NVL: variants seen among roughly 807,000 people sequenced by gnomAD.
NVL encodes nuclear valosin-containing protein-like.
Under a neutral mutation model 110.2 loss-of-function variants are expected in NVL, and 84 were observed. The ratio of observed to expected loss-of-function variants is 0.76; its 90% CI spans 0.64 to 0.91. The LOEUF is 0.91. Ranked by LOEUF, NVL falls within the 40% of genes least tolerant of loss-of-function variation. The pLI, the probability that NVL is intolerant of heterozygous loss-of-function variation, is 0.00. For synonymous variants in NVL, 354 were observed against 361.1 expected (o/e 0.98, Z 0.22); for missense variants, 882 against 1,035.9 (o/e 0.85, Z 2.04).
At position 224,294,273 on chromosome 1, in the gene NVL, CT is replaced by C. The variant is rs771501391; in HGVS notation, c.1318del (p.Arg440GlyfsTer12). On this transcript the variant is annotated frameshift_variant, in exon 12 of 23. Transcript: ENST00000281701. LOFTEE classifies it high-confidence loss of function. The stretch of plus-strand genomic sequence containing the variant: ...TCATTCTATAAGAATATACCTTTCC[CT>C]GGATGCTTCATCTGGGATACCTAGG... ...ICLGIPDEASRERILQTLCRK... is the reference protein window; with the variant it reads ...ICLGIPDEASXERILQTLCRK... 6.2e-7 allele frequency: 1 copy of C among 1,614,118 alleles called. No individual in the cohort carries two copies. The highest frequency in any genetic ancestry group is 1.1e-5 in the South Asian group (1 of 91,060).
At chr1:224,238,390 C>T (rs770264958) in intron 19 of NVL, among the ~76,000 whole-genome samples, 53 of 152,136 alleles carry the variant, frequency 3.5e-4, no homozygotes, top group Non-Finnish European at 5.9e-4. Flanking sequence ...GCACAGGGTT[C>T]GGCGACCTGG....
rs1666917664 is a variant in NVL, at chr1:224,286,843, A to G, written c.1795-713T>C. ...TTCAGTAGTACATACCTCTAAATCG[A>G]TCATATTTCCATTAATGAACCATGG... is the stretch of plus-strand genomic sequence containing the variant. On this transcript the variant is annotated intron_variant, in intron 14 of 22. Coordinates refer to ENST00000281701, the MANE Select transcript of NVL (RefSeq NM_002533.4). 2.6e-5 allele frequency among the ~76,000 whole-genome samples: 4 copies of G among 152,142 alleles called. No individual in the cohort carries two copies. The South Asian group carries it at 8.3e-4, about 31-fold the overall frequency.
At chr1:224,306,605 G>A (rs914119769) in intron 6 of NVL, among the ~76,000 whole-genome samples, 1 of 152,080 alleles carries the variant, frequency 6.6e-6, no homozygotes, top group Non-Finnish European at 1.5e-5. Context: ...GCTGAGGTGG[G>A]TGGATCACTT....
chr1:224,289,516 T>C lies in NVL; in HGVS notation c.1543A>G (p.Arg515Gly), dbSNP rs751450518. ...TCAGAAGTGGGCTCAGTTCCCAGCC[T>C]TTCCTCCTGGACTCCTTTAGATGGC... is the stretch of plus-strand genomic sequence containing the variant. ...DLPSKGVQEERLGTEPTSETQ... is the reference protein window; with the variant it reads ...DLPSKGVQEEGLGTEPTSETQ... The change falls in exon 13 of 23, where the codon AGG (arginine) becomes GGG (glycine). Residue 515 changes from arginine (R) to glycine (G), a missense_variant. Coordinates refer to ENST00000281701, the MANE Select transcript of NVL (RefSeq NM_002533.4). The C allele has an allele frequency of 6.2e-7, 1 of 1,614,234 alleles. No individual in the cohort carries two copies. The highest frequency in any genetic ancestry group is 8.5e-7 in the Non-Finnish European group (1 of 1,180,044).
In NVL at chr1:224,256,423, T is replaced by TAAAA. The variant is rs34959473; in HGVS notation, c.2183-6109_2183-6106dup. Among the ~76,000 whole-genome samples, 179 of 75,636 alleles carry TAAAA rather than the reference T, an allele frequency of 2.4e-3. 1 individual carries two copies. The highest frequency in any genetic ancestry group is 7.1e-3 in the African/African-American group (145 of 20,398). 49.6% of individuals were successfully genotyped at this position (75,636 alleles called of 152,430 possible). On this transcript the variant is annotated intron_variant, in intron 18 of 22. Transcript: ENST00000281701. The stretch of plus-strand genomic sequence containing the variant: ...CTGGGCAACAGGGTGAGGCTCCATC[T>TAAAA]AAAAAAAAAAAAAAAAAAAAAAAAC...
Position 224,285,792 on chromosome 1 carries a change from A to G in NVL, c.1899+234T>C, listed in dbSNP as rs903595420. ...AAATGTAATACACAGAAAATATAAT[A>G]ATTGCATGTTAAAATTGATAGGATT... On this transcript the variant is annotated intron_variant, in intron 15 of 22. Transcript: ENST00000281701. Among the ~76,000 whole-genome samples, 3 of 152,286 alleles carry G rather than the reference A, an allele frequency of 2.0e-5. No homozygotes were observed. The East Asian group carries it at 5.8e-4, about 29-fold the overall frequency.
chr1:224,230,112 A>AT lies in NVL; in HGVS notation c.2526+1113dup, dbSNP rs1659705665. Among the ~76,000 whole-genome samples the AT allele has an allele frequency of 2.0e-5, 3 of 152,312 alleles. No homozygotes were observed. The South Asian group carries it at 6.2e-4, about 32-fold the overall frequency. The stretch of plus-strand genomic sequence containing the variant: ...CTCCTGAGTAGCTGAGATAACAGGC[A>AT]TAAGCCCCTGTGCCCAGCTCCAGAG... On this transcript the variant is annotated intron_variant, in intron 22 of 22. Transcript: ENST00000281701.
chr1:224,303,884 C>T, intron 8 of NVL, 27 bp from the exon 9 acceptor site: 1 of 1,581,456 alleles, frequency 6.3e-7, no homozygotes, highest in Non-Finnish European at 8.6e-7. Context: ...ACAAAGATGT[C>T]TTTCAAGACA....
chr1:224,284,042 G>A (rs1206729191), intron 15 of NVL, among the ~76,000 whole-genome samples: 1 of 152,078 alleles, frequency 6.6e-6, no homozygotes, highest in Non-Finnish European at 1.5e-5. Context: ...GTTGATAAGG[G>A]TTAGTTATGG....
chr1:224,227,817 C>T, intron 22 of NVL, 147 bp from the exon 23 acceptor site: 2 of 553,422 alleles, frequency 3.6e-6, no homozygotes, highest in South Asian at 2.7e-5. Context: ...ATAGAGGAGA[C>T]TGGATTAAAA....
At chr1:224,308,879 G>C (rs1669220324) in intron 5 of NVL, among the ~76,000 whole-genome samples, 1 of 151,860 alleles carries the variant, frequency 6.6e-6, no homozygotes, top group African/African-American at 2.4e-5. Flanking sequence ...GGCTAACACG[G>C]TGAAACCCTG....
chr1:224,289,142 G>A lies in NVL; in HGVS notation c.1575+342C>T. ...CTGTGTGAATTCTGCCATGAAGAACGAAAGCAGAAACAGACAACATGTATA... is the reference window on the plus strand; with the variant it reads ...CTGTGTGAATTCTGCCATGAAGAACAAAAGCAGAAACAGACAACATGTATA... On this transcript the variant is annotated intron_variant, in intron 13 of 22. Transcript: ENST00000281701. 3 of 217,108 alleles carry A rather than the reference G, an allele frequency of 1.4e-5. 1 individual carries two copies. The South Asian group carries it at 2.4e-4, about 17-fold the overall frequency. The allele number at this position is 217,108 out of a possible 1,614,324, so 13.4% of individuals were successfully genotyped here.
intron 2 of NVL, among the ~76,000 whole-genome samples, chr1:224,319,299 T>A (rs1670415232): frequency 6.6e-6 from 1 of 151,640 alleles, no homozygotes; most frequent in Admixed American, 6.6e-5. Context: ...TTTATAGTTG[T>A]TTTTCTTTCT....
At chr1:224,328,492 T>C (rs533372031) in intron 1 of NVL, among the ~76,000 whole-genome samples, 3 of 149,658 alleles carry the variant, frequency 2.0e-5, no homozygotes, top group Admixed American at 2.0e-4. Context: ...AAATTAGATG[T>C]CTCTGGCTGC....
intron 16 of NVL, among the ~76,000 whole-genome samples, chr1:224,277,455 C>T (rs543580438): frequency 5.9e-5 from 9 of 152,214 alleles, no homozygotes; most frequent in Admixed American, 5.9e-4. Flanking sequence ...TAGAAGAGAA[C>T]AATCAATACC....
chr1:224,306,963 GA>G (rs1668983692), intron 6 of NVL, among the ~76,000 whole-genome samples: 1 of 151,624 alleles, frequency 6.6e-6, no homozygotes, highest in African/African-American at 2.4e-5. Flanking sequence ...ATAAAAAGGG[GA>G]AAGGTTCTGC....
intron 15 of NVL, among the ~76,000 whole-genome samples, 181 bp downstream of exon 15, chr1:224,285,845 T>C (rs980620119): frequency 6.6e-6 from 1 of 152,198 alleles, no homozygotes; most frequent in African/African-American, 2.4e-5. Flanking sequence ...TTTTCAATCA[T>C]GTGCCTTTGT....
chr1:224,308,784 G>A (rs1558342805), intron 5 of NVL, among the ~76,000 whole-genome samples: 2 of 151,796 alleles, frequency 1.3e-5, no homozygotes, highest in Admixed American at 6.6e-5. Flanking sequence ...TCACTCGGCC[G>A]GGCGCAGTGG....
At chr1:224,304,844 T>C in intron 7 of NVL, 32 bp from the exon 8 acceptor site, 1 of 1,574,812 alleles carries the variant, frequency 6.3e-7, no homozygotes, top group Non-Finnish European at 8.7e-7. Flanking sequence ...ATGAAAAGAT[T>C]AATGATTCAG....
Sources: gnomAD v4.1 joint callset for allele counts (sites outside exome capture counted in the v4.1 genomes callset) on GRCh38, gnomAD v4.1.1 for gene constraint, MANE v1.5 for transcripts, NCBI Gene and HGNC (gene_info 2026-07-23, HGNC 2026-07-21) for gene names.